The following NUP205 variants were observed in gnomAD, a reference collection of about 807,000 sequenced individuals.
The protein encoded by NUP205 is nuclear pore complex protein Nup205.
Under a neutral mutation model 253.8 loss-of-function variants are expected in NUP205, and 76 were observed. The observed-to-expected ratio is 0.30, with a 90% confidence interval of 0.25 to 0.36. The LOEUF is 0.36. Among genes scored for constraint, NUP205 ranks in the 10% least tolerant of loss-of-function variants. The pLI is 1.00. For missense variants in NUP205, 2,162 were observed against 2,425.5 expected (o/e 0.89, Z 2.28); for synonymous variants, 832 against 850.1 (o/e 0.98, Z 0.37).
rs79188321 is a variant in NUP205 at position 135,593,280 on chromosome 7, G to A, written c.1830+88G>A. On this transcript the variant is annotated intron_variant, in intron 12 of 42. Transcript: ENST00000285968. Reference sequence around the variant, plus strand: ...CCAAACATTTTCTTTTAATTTAAGAGTAATAAACTTAGCCTATCTAGATAG... The same window carrying A: ...CCAAACATTTTCTTTTAATTTAAGAATAATAAACTTAGCCTATCTAGATAG... 4.5e-4 allele frequency: 547 copies of A among 1,221,368 alleles called. 7 individuals are homozygous for A. The East Asian group carries it at 0.011, about 24-fold the overall frequency. The allele number at this position is 1,221,368 out of a possible 1,614,324, so 75.7% of individuals were successfully genotyped here. A position where few individuals can be genotyped will look rare whatever the true frequency, so the allele number is the denominator to read the frequency against.
At chr7:135,562,794 T>C (rs1805626237) in intron 1 of NUP205, among the ~76,000 whole-genome samples, 1 of 152,100 alleles carries the variant, frequency 6.6e-6, no homozygotes, top group Non-Finnish European at 1.5e-5. Flanking sequence ...TCTGCCCGCC[T>C]CGGTATCCCA....
intron 2 of NUP205, among the ~76,000 whole-genome samples, chr7:135,572,565 C>T (rs894018060): frequency 3.9e-5 from 6 of 151,972 alleles, no homozygotes; most frequent in East Asian, 3.9e-4. Context: ...TTTTCCTTTG[C>T]GTGTATGTGT....
chr7:135,581,187 T>C (rs1172780470), intron 7 of NUP205, among the ~76,000 whole-genome samples: 5 of 152,236 alleles, frequency 3.3e-5, no homozygotes, highest in African/African-American at 1.2e-4. Context: ...TTTGAAAAAT[T>C]GGTTTCTGTT....
chr7:135,608,552 A>G (rs1312718957), intron 22 of NUP205, among the ~76,000 whole-genome samples: 1 of 151,724 alleles, frequency 6.6e-6, no homozygotes, highest in Non-Finnish European at 1.5e-5. Flanking sequence ...TGCTGAAAAT[A>G]CAAAAATTAG....
Position 135,618,543 on chromosome 7 carries a change from C to T in NUP205, c.3903C>T (p.Leu1301=). ...EIILTACPQD[L]IQAEDRQLII... is the part of the protein sequence containing the mutation. The stretch of plus-strand genomic sequence containing the variant: ...TACTGACAGCTTGTCCCCAGGACCT[C>T]ATTCAGGCAGAGGATCGACAACTGA... The change falls in exon 28 of 43, where the codon CTC becomes CTT. Residue 1301 remains leucine, a synonymous_variant. Transcript: ENST00000285968. 2 of 1,613,502 alleles carry T rather than the reference C, an allele frequency of 1.2e-6. No homozygotes were observed. Among genetic ancestry groups the T allele is most frequent in the Non-Finnish European group, 1.7e-6 (2 of 1,179,798 alleles).
At chr7:135,632,888 C>T (rs1052175783) in intron 35 of NUP205, among the ~76,000 whole-genome samples, 1 of 152,082 alleles carries the variant, frequency 6.6e-6, no homozygotes, top group African/African-American at 2.4e-5. Flanking sequence ...AGCTCCTGCC[C>T]ATCCTTTTTA....
In NUP205 at chr7:135,648,533, C is replaced by G. The variant is rs751504146; in HGVS notation, c.6016C>G (p.Leu2006Val). Reference protein sequence around the residue: ...IQALVRRIRGLLRISRN With the variant: ...IQALVRRIRGVLRISRN The stretch of plus-strand genomic sequence containing the variant: ...GGCTCTTGTCAGACGTATCCGTGGC[C>G]TCTTGAGGATATCAAGGAACTGAGA... Residue 2006 changes from leucine to valine, a missense_variant, in exon 43 of 43, where the codon CTC becomes GTC. By Grantham distance (32) the Leu-to-Val change is conservative. This residue lies in a region of NUP205 where 1,144 missense variants were observed against 1,280.9 expected (regional missense o/e 0.89). Transcript: ENST00000285968. 6.3e-7 allele frequency: 1 copy of G among 1,581,604 alleles called. No individual in the cohort carries two copies. Among genetic ancestry groups the G allele is most frequent in the Admixed American group, 1.9e-5 (1 of 52,750 alleles).
intron 23 of NUP205, 55 bp downstream of exon 23, chr7:135,614,328 T>C (rs1278399064): frequency 1.1e-6 from 1 of 939,972 alleles, no homozygotes; most frequent in Non-Finnish European, 1.7e-6. Flanking sequence ...CCATGTTAAG[T>C]GATTTTATTT....
intron 32 of NUP205, among the ~76,000 whole-genome samples, chr7:135,625,730 A>T (rs1794575798): frequency 6.6e-6 from 1 of 152,226 alleles, no homozygotes; most frequent in Non-Finnish European, 1.5e-5. Context: ...AGCATTTTCA[A>T]TATAGTATAT....
intron 38 of NUP205, among the ~76,000 whole-genome samples, chr7:135,642,974 G>T (rs1384692751): frequency 1.3e-5 from 2 of 151,662 alleles, no homozygotes. Flanking sequence ...CTTTATTCTC[G>T]CAGGATTTCC....
At chr7:135,643,660 A>ATT (rs143806514) in intron 39 of NUP205, among the ~76,000 whole-genome samples, 1 of 150,634 alleles carries the variant, frequency 6.6e-6, no homozygotes, top group Non-Finnish European at 1.5e-5. Context: ...TCTGTTACAG[A>ATT]TTTTTTTTTT....
intron 39 of NUP205, among the ~76,000 whole-genome samples, chr7:135,643,942 G>A (rs985990033): frequency 2.6e-5 from 4 of 152,140 alleles, no homozygotes; most frequent in Non-Finnish European, 5.9e-5. Context: ...GTGTCCTGTC[G>A]CAGCCTGAAT....
chr7:135,585,893 C>A (rs1806448407), intron 8 of NUP205, among the ~76,000 whole-genome samples: 1 of 152,132 alleles, frequency 6.6e-6, no homozygotes, highest in Non-Finnish European at 1.5e-5. Context: ...AGCATGGATA[C>A]AGGTAAAATA....
intron 35 of NUP205, among the ~76,000 whole-genome samples, chr7:135,631,436 TC>T (rs917809629): frequency 3.3e-5 from 5 of 152,182 alleles, no homozygotes; most frequent in African/African-American, 1.2e-4. Context: ...TTGGTTACTT[TC>T]CCCCCTTATA....
intron 7 of NUP205, among the ~76,000 whole-genome samples, chr7:135,581,834 C>T (rs1309633061): frequency 1.3e-5 from 2 of 150,608 alleles, no homozygotes; most frequent in Non-Finnish European, 2.9e-5. Context: ...GCCTGGGTGA[C>T]AGAGTGAAAC....
At position 135,626,231 on chromosome 7, in the gene NUP205, A is replaced by G; in HGVS notation, c.4672-9A>G. The G allele has an allele frequency of 6.2e-7, 1 of 1,613,494 alleles. No homozygotes were observed. The highest frequency in any genetic ancestry group is 8.5e-7 in the Non-Finnish European group (1 of 1,179,836). ...CAGCACTGATGATTTTTCTCTTGTA[A>G]CTCCTCAGGCATTTCTCACAAGAGT... On this transcript the variant is annotated splice_polypyrimidine_tract_variant and intron_variant, in intron 32 of 42. Transcript: ENST00000285968.
At chr7:135,645,377 G>T (rs1794986807) in intron 40 of NUP205, 91 bp from the exon 41 acceptor site, 5 of 1,313,176 alleles carry the variant, frequency 3.8e-6, no homozygotes, top group Non-Finnish European at 5.4e-6. Context: ...CATTAAGTGA[G>T]TGCAGTCTGT....
At chr7:135,564,055 G>A (rs951526460) in intron 1 of NUP205, among the ~76,000 whole-genome samples, 1 of 151,786 alleles carries the variant, frequency 6.6e-6, no homozygotes, top group African/African-American at 2.4e-5. Flanking sequence ...ATAACTCTTT[G>A]TTGCGGCTAC....
At chr7:135,558,203 C>T in intron 1 of NUP205, 1 of 578,538 alleles carries the variant, frequency 1.7e-6, no homozygotes, top group Non-Finnish European at 3.1e-6. Flanking sequence ...AGGCTTGGGC[C>T]GCTGGACCCA....
Sources: allele counts gnomAD v4.1 joint callset (sites outside exome capture counted in the v4.1 genomes callset), GRCh38; gene constraint gnomAD v4.1.1; regional missense constraint gnomAD v4.1.1; transcripts MANE v1.5; gene names NCBI Gene and HGNC (gene_info 2026-07-23, HGNC 2026-07-21).